The following HIVEP3 variants were observed in gnomAD, a reference collection of about 807,000 sequenced individuals.
HIVEP3 encodes transcription factor HIVEP3.
In HIVEP3, 49 loss-of-function variants were observed where a neutral mutation model predicts 152.8. The observed-to-expected ratio is 0.32, with a 90% CI of 0.26 to 0.41. The LOEUF (loss-of-function observed/expected upper bound fraction) is 0.41, where lower values mean the gene tolerates loss of function less well. Ranked by LOEUF, HIVEP3 falls within the 10% of genes least tolerant of loss-of-function variation. The probability of loss-of-function intolerance (pLI) is 1.00; values close to 1 mark genes in which losing one functional copy is unlikely to be tolerated. For missense variants in HIVEP3, 2,790 were observed against 3,103.3 expected (o/e 0.90, Z 2.40); for synonymous variants, 1,269 against 1,289.0 (o/e 0.98, Z 0.33).
Position 41,580,129 on chromosome 1 carries a change from T to C in HIVEP3, c.4669A>G (p.Lys1557Glu). Residue 1557 changes from lysine (K) to glutamate (E), a missense_variant, in exon 4 of 9, where the codon AAG (lysine) becomes GAG (glutamate). Physicochemically the swap from Lys to Glu is moderately conservative, Grantham distance 56. Coordinates refer to ENST00000372583, the MANE Select transcript of HIVEP3 (RefSeq NM_024503.5). ...AAGGAGGGGAGATCAGGTTGTTCCT[T>C]GGAATCTTCTTTCTTCACGCTCAGT... ...TPLSVKKEDSKEQPDLPSLAP... is the reference protein window; with the variant it reads ...TPLSVKKEDSEEQPDLPSLAP... 1.2e-6 allele frequency: 2 copies of C among 1,614,064 alleles called. No individual in the cohort carries two copies. The highest frequency in any genetic ancestry group is 1.7e-6 in the Non-Finnish European group (2 of 1,179,960).
intron 1 of HIVEP3, among the ~76,000 whole-genome samples, chr1:41,729,070 C>T (rs2124182879): frequency 6.6e-6 from 1 of 152,288 alleles, no homozygotes; most frequent in Non-Finnish European, 1.5e-5. Flanking sequence ...CACGTGCTTC[C>T]CCCAACACAC....
chr1:41,698,008 G>T (rs975411394), intron 2 of HIVEP3, among the ~76,000 whole-genome samples: 2 of 152,206 alleles, frequency 1.3e-5, no homozygotes, highest in Non-Finnish European at 2.9e-5. Context: ...CTGTGCGTCA[G>T]TTGTCATCTG....
chr1:41,741,475 G>A (rs936183664), intron 1 of HIVEP3, among the ~76,000 whole-genome samples: 10 of 150,344 alleles, frequency 6.7e-5, no homozygotes, highest in Admixed American at 1.3e-4. Flanking sequence ...CTAATGGGCC[G>A]TGCCGCTGAC....
chr1:41,774,059 A>G (rs1648540139), intron 1 of HIVEP3, among the ~76,000 whole-genome samples: 1 of 152,224 alleles, frequency 6.6e-6, no homozygotes, highest in African/African-American at 2.4e-5. Context: ...GGACTTGACC[A>G]TATGACACTT....
chr1:41,564,097 G>C (rs1644125699), intron 5 of HIVEP3, among the ~76,000 whole-genome samples: 1 of 152,178 alleles, frequency 6.6e-6, no homozygotes, highest in Non-Finnish European at 1.5e-5. Flanking sequence ...GGAGGCTGAG[G>C]CAGGAGAATT....
intron 1 of HIVEP3, among the ~76,000 whole-genome samples, chr1:41,977,786 G>A (rs1474850070): frequency 6.6e-6 from 1 of 152,202 alleles, no homozygotes; most frequent in African/African-American, 2.4e-5. Context: ...CTGGCCTGCT[G>A]TGTGTGTCCC....
intron 4 of HIVEP3, among the ~76,000 whole-genome samples, chr1:41,577,474 A>T (rs1312713985): frequency 6.6e-6 from 1 of 152,142 alleles, no homozygotes; most frequent in African/African-American, 2.4e-5. Context: ...ACTTTGTGAC[A>T]GTGCTGTGTT....
At chr1:41,874,305 G>A (rs866274205) in intron 1 of HIVEP3, among the ~76,000 whole-genome samples, 9 of 152,288 alleles carry the variant, frequency 5.9e-5, no homozygotes, top group Middle Eastern at 3.4e-3. Context: ...GTTCATGTTC[G>A]TCTGGAAAGC....
intron 1 of HIVEP3, among the ~76,000 whole-genome samples, chr1:42,005,591 G>A (rs1418341463): frequency 1.3e-5 from 2 of 152,174 alleles, no homozygotes; most frequent in African/African-American, 4.8e-5. Context: ...GCCCATGGAG[G>A]ACCCCAGTGT....
intron 1 of HIVEP3, among the ~76,000 whole-genome samples, chr1:41,955,969 T>C (rs1051233313): frequency 1.3e-5 from 2 of 152,224 alleles, no homozygotes; most frequent in African/African-American, 4.8e-5. Context: ...AGAGGCGAGC[T>C]GGGACCTCTC....
intron 1 of HIVEP3, among the ~76,000 whole-genome samples, chr1:41,898,365 G>A (rs900112742): frequency 6.6e-6 from 1 of 152,200 alleles, no homozygotes. Flanking sequence ...CTAGAATCCA[G>A]TCTCAGAAGA....
At chr1:42,009,257 A>T (rs1244580418) in intron 1 of HIVEP3, among the ~76,000 whole-genome samples, 2 of 152,144 alleles carry the variant, frequency 1.3e-5, no homozygotes, top group Non-Finnish European at 2.9e-5. Context: ...ATGTGAATCT[A>T]CTTCCTATTT....
At chr1:41,885,142 C>G (rs1644324495) in intron 1 of HIVEP3, among the ~76,000 whole-genome samples, 1 of 152,200 alleles carries the variant, frequency 6.6e-6, no homozygotes, top group Admixed American at 6.5e-5. Context: ...CAGGCACAAT[C>G]TCCCTGAATC....
At chr1:41,981,232 T>A (rs1645291912) in intron 1 of HIVEP3, among the ~76,000 whole-genome samples, 1 of 152,158 alleles carries the variant, frequency 6.6e-6, no homozygotes, top group Non-Finnish European at 1.5e-5. Context: ...ACAGGGAGCT[T>A]GGCAACATTT....
chr1:41,562,643 C>CTCTCTT (rs1644095703), intron 5 of HIVEP3, among the ~76,000 whole-genome samples: 1 of 119,478 alleles, frequency 8.4e-6, no homozygotes, highest in Non-Finnish European at 1.7e-5. Context: ...CCCTCTCTCT[C>CTCTCTT]TCTTTCTTTC....
intron 2 of HIVEP3, among the ~76,000 whole-genome samples, chr1:41,629,220 C>A (rs1645159853): frequency 1.3e-5 from 2 of 152,290 alleles, no homozygotes; most frequent in South Asian, 4.2e-4. Flanking sequence ...GCAAAGCCCC[C>A]AGGACTGTGA....
intron 5 of HIVEP3, among the ~76,000 whole-genome samples, chr1:41,564,571 T>C (rs1644132682): frequency 6.6e-6 from 1 of 152,146 alleles, no homozygotes; most frequent in Non-Finnish European, 1.5e-5. Flanking sequence ...GGACTGAGAA[T>C]GGACTTGGAG....
At position 41,533,373 on chromosome 1, in the gene HIVEP3, C is replaced by T. The variant is rs543736772; in HGVS notation, c.5208-8463G>A. On this transcript the variant is annotated intron_variant, in intron 5 of 8. Coordinates refer to ENST00000372583, the MANE Select transcript of HIVEP3 (RefSeq NM_024503.5). This position sits in a 1 kb window ranked among gnomAD's most constrained non-coding sequence, Gnocchi z 4.3. The stretch of plus-strand genomic sequence containing the variant: ...TGCCTCCCTCTCCTAGCCCCTTCCA[C>T]CACCACAGACACAAGCCCAGCTCTC... Among the ~76,000 whole-genome samples the T allele has an allele frequency of 2.2e-4, 33 of 152,244 alleles. No homozygotes were observed. Among genetic ancestry groups the T allele is most frequent in the Non-Finnish European group, 4.6e-4 (31 of 68,008 alleles).
intron 5 of HIVEP3, among the ~76,000 whole-genome samples, chr1:41,546,347 G>A (rs1401645682): frequency 6.6e-6 from 1 of 152,192 alleles, no homozygotes. Context: ...CTCCCTTCAT[G>A]GCCTGAGAGT....
Sources: gnomAD v4.1 joint callset for allele counts (sites outside exome capture counted in the v4.1 genomes callset) on GRCh38, gnomAD v4.1.1 for gene constraint, Gnocchi (gnomAD v3.1) non-coding constraint, MANE v1.5 for transcripts, NCBI Gene and HGNC (gene_info 2026-07-23, HGNC 2026-07-21) for gene names.